PTPRT: variants seen among roughly 807,000 people sequenced by gnomAD.
PTPRT encodes the protein receptor-type tyrosine-protein phosphatase T.
PTPRT carries 56 observed loss-of-function variants against 176.8 expected under a neutral mutation model. The observed-to-expected ratio is 0.32, with a 90% confidence interval of 0.26 to 0.40. The LOEUF (loss-of-function observed/expected upper bound fraction) is 0.40. Among genes scored for constraint, PTPRT ranks in the 10% least tolerant of loss-of-function variants. The pLI, the probability that PTPRT is intolerant of heterozygous loss-of-function variation, is 1.00. For missense variants in PTPRT, 1,540 were observed against 1,908.2 expected (o/e 0.81, Z 3.60); for synonymous variants, 783 against 739.0 (o/e 1.06, Z -0.96).
At chr20:42,643,861 C>T (rs984624088) in intron 7 of PTPRT, among the ~76,000 whole-genome samples, 6 of 151,332 alleles carry the variant, frequency 4.0e-5, no homozygotes, top group East Asian at 1.9e-4. Flanking sequence ...TTCAGCCAGG[C>T]CAGGCATCAT....
chr20:42,603,226 T>C (rs2073813811), intron 7 of PTPRT, among the ~76,000 whole-genome samples: 2 of 151,918 alleles, frequency 1.3e-5, no homozygotes, highest in Non-Finnish European at 2.9e-5. Context: ...ATACGAGTGA[T>C]GTAGTAATGG....
At chr20:42,615,433 G>C (rs1222937920) in intron 7 of PTPRT, among the ~76,000 whole-genome samples, 1 of 138,322 alleles carries the variant, frequency 7.2e-6, no homozygotes, top group East Asian at 2.0e-4. Context: ...ATGATTTATA[G>C]TCATTTGGGT....
intron 7 of PTPRT, among the ~76,000 whole-genome samples, chr20:42,570,489 G>A (rs1416546260): frequency 3.3e-5 from 5 of 152,270 alleles, no homozygotes; most frequent in East Asian, 3.9e-4. Flanking sequence ...TGCACTGCCT[G>A]ATGGGTCTTT....
chr20:42,099,887 T>C (rs920334113), intron 26 of PTPRT, among the ~76,000 whole-genome samples: 3 of 152,156 alleles, frequency 2.0e-5, no homozygotes, highest in African/African-American at 4.8e-5. Flanking sequence ...TGGGTGGGCA[T>C]AGGCAAATAA....
chr20:42,137,205 C>T (rs771698005), intron 18 of PTPRT, among the ~76,000 whole-genome samples: 2 of 152,154 alleles, frequency 1.3e-5, no homozygotes, highest in Non-Finnish European at 2.9e-5. Flanking sequence ...CAATGGCCAC[C>T]CTCAGAGACA....
At chr20:43,055,281 A>C (rs1000095656) in intron 1 of PTPRT, among the ~76,000 whole-genome samples, 1 of 152,214 alleles carries the variant, frequency 6.6e-6, no homozygotes, top group Non-Finnish European at 1.5e-5. Flanking sequence ...AACATGAAAG[A>C]AATGATACGT....
At chr20:42,315,578 ATTT>A (rs2057708768) in intron 12 of PTPRT, 142 bp downstream of exon 12, 1 of 929,562 alleles carries the variant, frequency 1.1e-6, no homozygotes, top group Non-Finnish European at 1.6e-6. Context: ...CTGTACTATT[ATTT>A]TTTTAATTTA....
intron 6 of PTPRT, among the ~76,000 whole-genome samples, chr20:42,695,909 T>G (rs2075866578): frequency 6.6e-6 from 1 of 152,226 alleles, no homozygotes; most frequent in Non-Finnish European, 1.5e-5. Flanking sequence ...ATTGGCAGCC[T>G]GCAGCCTCCA....
intron 1 of PTPRT, among the ~76,000 whole-genome samples, chr20:43,106,008 G>A (rs1401475726): frequency 6.6e-6 from 1 of 152,114 alleles, no homozygotes; most frequent in African/African-American, 2.4e-5. Context: ...GGTTCAGGGG[G>A]TGAGGGGCAG....
At chr20:42,365,613 T>C (rs1327441200) in intron 9 of PTPRT, among the ~76,000 whole-genome samples, 2 of 152,058 alleles carry the variant, frequency 1.3e-5, no homozygotes, top group Non-Finnish European at 2.9e-5. Context: ...AAGAATTGTC[T>C]TGGGCAACAC....
In PTPRT at chr20:42,080,937, G is replaced by A. The variant is rs1380087710; in HGVS notation, c.4273-5C>T. The A allele has an allele frequency of 6.3e-7, 1 of 1,597,028 alleles. No individual in the cohort carries two copies. The highest frequency in any genetic ancestry group is 1.7e-5 in the Admixed American group (1 of 59,982). ...GTATACAAATTTATACTGTTCCTGA[G>A]AGGCGGAGAGGAGCAGAGGCAGAGA... On this transcript the variant is annotated splice_region_variant and splice_polypyrimidine_tract_variant and intron_variant, in intron 30 of 30. Coordinates refer to ENST00000373187, the MANE Select transcript of PTPRT (RefSeq NM_007050.6).
At chr20:42,634,710 T>C (rs1011174467) in intron 7 of PTPRT, among the ~76,000 whole-genome samples, 5 of 152,132 alleles carry the variant, frequency 3.3e-5, no homozygotes, top group Non-Finnish European at 7.4e-5. Context: ...TGAAGCATTA[T>C]AGTCTAATAG....
intron 1 of PTPRT, among the ~76,000 whole-genome samples, chr20:43,072,816 T>C (rs1382664504): frequency 1.3e-5 from 2 of 152,196 alleles, no homozygotes; most frequent in African/African-American, 2.4e-5. Context: ...ATTAAACAAA[T>C]CCTCTAAGTG....
rs1228922192 is a variant in PTPRT, at chr20:42,860,739, CTT to C, written c.214+25066_214+25067del. The stretch of plus-strand genomic sequence containing the variant: ...CCCTAACTAGTCACCTTATTAGACT[CTT>C]TTATTGGGCTCTAATAGTTTTTCAT... On this transcript the variant is annotated intron_variant, in intron 2 of 30. Transcript: ENST00000373187. Among the ~76,000 whole-genome samples the C allele has an allele frequency of 3.3e-5, 5 of 152,258 alleles. No individual in the cohort carries two copies. In the East Asian group the frequency reaches 9.6e-4, roughly 29 times the overall value.
At chr20:42,439,517 C>G (rs960444480) in intron 9 of PTPRT, among the ~76,000 whole-genome samples, 6 of 152,172 alleles carry the variant, frequency 3.9e-5, no homozygotes, top group African/African-American at 1.4e-4. Context: ...AAAAAATTAA[C>G]ACTTAGCAAC....
chr20:42,895,420 T>C (rs570960971), intron 1 of PTPRT, among the ~76,000 whole-genome samples: 1 of 152,218 alleles, frequency 6.6e-6, no homozygotes, highest in Non-Finnish European at 1.5e-5. Context: ...CACAGTCACA[T>C]GGGGAGACAT....
chr20:42,069,132 C>A (rs733673), downstream of PTPRT, among the ~76,000 whole-genome samples: 62,491 of 151,996 alleles, frequency 0.41, 13,654 homozygotes, highest in African/African-American at 0.56. Context: ...GATTCTGAAA[C>A]CCTACATCTG....
the PTPRT span, among the ~76,000 whole-genome samples, chr20:42,041,090 C>A: frequency 2.6e-5 from 4 of 152,038 alleles, no homozygotes; most frequent in African/African-American, 9.7e-5. Flanking sequence ...TAGTTCTGTT[C>A]GCATCTTTTT....
intron 16 of PTPRT, among the ~76,000 whole-genome samples, chr20:42,182,718 G>T (rs1488332008): frequency 3.3e-5 from 5 of 152,064 alleles, no homozygotes; most frequent in Non-Finnish European, 7.4e-5. Context: ...AAATTTCCAG[G>T]TATCACACCC....
Sources: gnomAD v4.1 joint callset for allele counts (sites outside exome capture counted in the v4.1 genomes callset) on GRCh38, gnomAD v4.1.1 for gene constraint, MANE v1.5 for transcripts, NCBI Gene and HGNC (gene_info 2026-07-23, HGNC 2026-07-21) for gene names.